WDPCP: variants seen among roughly 807,000 people sequenced by gnomAD.
WDPCP encodes WD repeat containing planar cell polarity effector, also known as WD repeat-containing and planar cell polarity effector protein fritz homolog.
Under a neutral mutation model 93.1 loss-of-function variants are expected in WDPCP, and 71 were observed. The ratio of observed to expected loss-of-function variants is 0.76; its 90% CI spans 0.63 to 0.93. The LOEUF (loss-of-function observed/expected upper bound fraction) is 0.93. Among genes scored for constraint, WDPCP ranks in the 40% least tolerant of loss-of-function variants. The pLI is 0.00. For synonymous variants in WDPCP, 315 were observed against 315.0 expected (o/e 1.00, Z 0.00); for missense variants, 844 against 887.4 (o/e 0.95, Z 0.62).
chr2:63,698,828 A>G (rs1668998378), intron 2 of WDPCP, among the ~76,000 whole-genome samples: 1 of 152,198 alleles, frequency 6.6e-6, no homozygotes, highest in Non-Finnish European at 1.5e-5. Flanking sequence ...GTGATGGAGA[A>G]GAATCCTGTT....
upstream of WDPCP, chr2:63,591,034 A>T (rs762576807): frequency 2.0e-5 from 3 of 152,260 alleles, no homozygotes. Context: ...TTTGAAAGTG[A>T]AAAAGAAATA....
At chr2:63,376,339 A>T (rs1444852775) in intron 12 of WDPCP, among the ~76,000 whole-genome samples, 2 of 151,956 alleles carry the variant, frequency 1.3e-5, no homozygotes, top group Non-Finnish European at 2.9e-5. Context: ...CTGGAGAATA[A>T]TAATTTTGAT....
At chr2:63,423,036 T>A (rs1487901997) in intron 9 of WDPCP, among the ~76,000 whole-genome samples, 4 of 152,196 alleles carry the variant, frequency 2.6e-5, no homozygotes, top group Non-Finnish European at 5.9e-5. Context: ...GTCATGATAG[T>A]AGTTACTTTG....
At chr2:63,460,297 T>TA (rs1325981765) in intron 6 of WDPCP, among the ~76,000 whole-genome samples, 1 of 151,922 alleles carries the variant, frequency 6.6e-6, no homozygotes, top group Non-Finnish European at 1.5e-5. Context: ...CTCATGGACA[T>TA]AGAGAATAGA....
At chr2:63,704,212 G>A (rs1231428725) in intron 2 of WDPCP, among the ~76,000 whole-genome samples, 1 of 152,140 alleles carries the variant, frequency 6.6e-6, no homozygotes, top group Non-Finnish European at 1.5e-5. Flanking sequence ...GAGATGATGG[G>A]GTTTTCTAGA....
In WDPCP at chr2:63,403,845, A is replaced by G; in HGVS notation, c.1435+203T>C. 7.5e-6 allele frequency: 5 copies of G among 662,354 alleles called. No individual in the cohort carries two copies. The South Asian group carries it at 1.0e-4, about 14-fold the overall frequency. 41.0% of individuals were successfully genotyped at this position (662,354 alleles called of 1,614,324 possible). ...AGCATCATGATTGACAATTAGTGCA[A>G]TTTACAAATTATTCAATATCTAGTG... On this transcript the variant is annotated intron_variant, in intron 10 of 17. Coordinates refer to ENST00000272321, the MANE Select transcript of WDPCP (RefSeq NM_015910.7).
chr2:63,308,989 A>T (rs1342392400), intron 13 of WDPCP, among the ~76,000 whole-genome samples: 1 of 152,230 alleles, frequency 6.6e-6, no homozygotes, highest in African/African-American at 2.4e-5. Context: ...GTTTGAGAAC[A>T]TTATCCTAGT....
chr2:63,573,414 T>C (rs1707686834), intron 1 of WDPCP, among the ~76,000 whole-genome samples: 1 of 152,206 alleles, frequency 6.6e-6, no homozygotes, highest in African/African-American at 2.4e-5. Context: ...CCCAAATTAA[T>C]ACTTTAATAA....
chr2:63,542,538 T>C (rs1334971676), intron 1 of WDPCP, among the ~76,000 whole-genome samples: 1 of 152,230 alleles, frequency 6.6e-6, no homozygotes, highest in South Asian at 2.1e-4. Flanking sequence ...CAAGTAACTT[T>C]ATAAAGGCTC....
chr2:63,626,282 AG>A (rs1410675961), intron 3 of WDPCP, among the ~76,000 whole-genome samples: 1 of 152,200 alleles, frequency 6.6e-6, no homozygotes, highest in African/African-American at 2.4e-5. Context: ...GCATGGGCAA[AG>A]ACTTCATGAC....
At chr2:63,568,294 G>C (rs1707222434) in intron 1 of WDPCP, among the ~76,000 whole-genome samples, 1 of 151,464 alleles carries the variant, frequency 6.6e-6, no homozygotes, top group Admixed American at 6.6e-5. Flanking sequence ...AACTACTTTA[G>C]GTTAGAAAGA....
chr2:63,748,270 C>T (rs528185024), intron 2 of WDPCP, among the ~76,000 whole-genome samples: 98 of 151,748 alleles, frequency 6.5e-4, no homozygotes, highest in Non-Finnish European at 1.2e-3. Flanking sequence ...GTGACTTGTA[C>T]ATACAGTGTA....
chr2:63,306,478 G>C (rs939798899), intron 13 of WDPCP, among the ~76,000 whole-genome samples: 2 of 152,152 alleles, frequency 1.3e-5, no homozygotes, highest in African/African-American at 4.8e-5. Flanking sequence ...GGAAATCAAT[G>C]TAAAAATCCT....
chr2:63,608,389 G>C (rs761918303), intron 3 of WDPCP, among the ~76,000 whole-genome samples: 6 of 151,932 alleles, frequency 3.9e-5, no homozygotes, highest in Non-Finnish European at 8.8e-5. Flanking sequence ...TAATAGTCTT[G>C]TTTTTTCCCC....
At chr2:63,230,784 G>A (rs1678797829) in intron 14 of WDPCP, among the ~76,000 whole-genome samples, 1 of 152,100 alleles carries the variant, frequency 6.6e-6, no homozygotes, top group African/African-American at 2.4e-5. Context: ...TGATGGGGTT[G>A]ATTTTTTCTT....
chr2:63,810,482 G>A (rs1670848348), intron 2 of WDPCP, among the ~76,000 whole-genome samples: 4 of 152,224 alleles, frequency 2.6e-5, no homozygotes, highest in Admixed American at 6.5e-5. Flanking sequence ...TTCAGTAGAT[G>A]TCTAGAGGAA....
At chr2:63,166,354 C>A (rs1214342224) in intron 15 of WDPCP, among the ~76,000 whole-genome samples, 1 of 151,872 alleles carries the variant, frequency 6.6e-6, no homozygotes, top group Non-Finnish European at 1.5e-5. Flanking sequence ...CATGAGCCAC[C>A]GTGCCTGGCT....
chr2:63,743,546 T>C (rs1408243115), intron 2 of WDPCP, among the ~76,000 whole-genome samples: 1 of 152,108 alleles, frequency 6.6e-6, no homozygotes, highest in African/African-American at 2.4e-5. Context: ...TTTAGAAAAT[T>C]ATTTTGTTGG....
At chr2:63,286,661 C>A (rs1161224581) in intron 13 of WDPCP, among the ~76,000 whole-genome samples, 1 of 152,158 alleles carries the variant, frequency 6.6e-6, no homozygotes. Flanking sequence ...CACAGACACA[C>A]GTGACATGGA....
Sources: gnomAD v4.1 joint callset for allele counts (sites outside exome capture counted in the v4.1 genomes callset) on GRCh38, gnomAD v4.1.1 for gene constraint, MANE v1.5 for transcripts, NCBI Gene and HGNC (gene_info 2026-07-23, HGNC 2026-07-21) for gene names.